Variants in ACBD6 observed in about 807,000 individuals in gnomAD.
ACBD6 encodes the protein acyl-CoA-binding domain-containing protein 6.
Under a neutral mutation model 37.2 loss-of-function variants are expected in ACBD6, and 28 were observed. The observed-to-expected ratio is 0.75, with a 90% confidence interval of 0.56 to 1.03. The LOEUF is 1.03. ACBD6 is among the 50% of genes least tolerant of loss of function. The pLI is 0.00. For synonymous variants in ACBD6, 113 were observed against 126.8 expected (o/e 0.89, Z 0.73); for missense variants, 340 against 337.4 (o/e 1.01, Z -0.06).
downstream of ACBD6, among the ~76,000 whole-genome samples, chr1:180,284,319 G>C (rs1378099613): frequency 6.6e-6 from 1 of 151,430 alleles, no homozygotes; most frequent in Non-Finnish European, 1.5e-5. Flanking sequence ...AATAATAATC[G>C]TAACAACTTT....
chr1:180,274,549 G>T (rs771085850), intron 10 of ACBD6: 1 of 1,593,852 alleles, frequency 6.3e-7, no homozygotes, highest in Non-Finnish European at 8.5e-7. Context: ...CAGGCTCTTG[G>T]CTCGATGAAA....
chr1:180,285,152 C>T (rs968062286), downstream of ACBD6, among the ~76,000 whole-genome samples: 27 of 151,986 alleles, frequency 1.8e-4, no homozygotes, highest in Non-Finnish European at 2.8e-4. Flanking sequence ...GACGAAAAAA[C>T]CCAAAAAACG....
At chr1:180,421,800 T>C (rs1648375376) in intron 4 of ACBD6, among the ~76,000 whole-genome samples, 1 of 152,210 alleles carries the variant, frequency 6.6e-6, no homozygotes. Flanking sequence ...GTTTGTTGGC[T>C]GCATGTACAT....
chr1:180,405,694 G>A (rs576673492), intron 5 of ACBD6, among the ~76,000 whole-genome samples: 1 of 152,220 alleles, frequency 6.6e-6, no homozygotes, highest in South Asian at 2.1e-4. Context: ...ACACTAATCT[G>A]AGAAATAACG....
In ACBD6 at chr1:180,413,548, C is replaced by T. The variant is rs530481821; in HGVS notation, c.468-77G>A. 60 of 1,150,304 alleles carry T rather than the reference C, an allele frequency of 5.2e-5. No homozygotes were observed. The East Asian group carries it at 1.3e-3, about 26-fold the overall frequency. 71.3% of individuals were successfully genotyped at this position (1,150,304 alleles called of 1,614,324 possible). A position where few individuals can be genotyped will look rare whatever the true frequency, so the allele number is the denominator to read the frequency against. ...ACATATTTTCAACACAATCTGTTTG[C>T]TGCTGACATAGATGTTAATGGACTC... is the stretch of plus-strand genomic sequence containing the variant. On this transcript the variant is annotated intron_variant, in intron 4 of 7. Transcript: ENST00000367595.
chr1:180,424,119 C>G (rs1648487531), intron 4 of ACBD6, among the ~76,000 whole-genome samples: 1 of 152,028 alleles, frequency 6.6e-6, no homozygotes, highest in African/African-American at 2.4e-5. Flanking sequence ...ATTATGATTC[C>G]TCAAACATTT....
At chr1:180,456,059 A>G (rs1649907726) in intron 3 of ACBD6, among the ~76,000 whole-genome samples, 1 of 152,060 alleles carries the variant, frequency 6.6e-6, no homozygotes, top group Non-Finnish European at 1.5e-5. Context: ...AAAAATACAA[A>G]AAATTAACTG....
exon 14 of ACBD6, chr1:180,271,705 C>A: frequency 7.9e-7 from 1 of 1,268,660 alleles, no homozygotes; most frequent in Non-Finnish European, 1.1e-6. Context: ...GGGGGTGGGG[C>A]GCATCGCACT....
chr1:180,350,901 C>T (rs546751979), intron 6 of ACBD6, among the ~76,000 whole-genome samples: 2 of 152,244 alleles, frequency 1.3e-5, no homozygotes, highest in South Asian at 2.1e-4. Flanking sequence ...AGATAGTAAG[C>T]GATGTCAGGG....
intron 4 of ACBD6, among the ~76,000 whole-genome samples, chr1:180,424,580 T>C (rs185682022): frequency 7.9e-5 from 12 of 152,198 alleles, no homozygotes; most frequent in Non-Finnish European, 1.5e-4. Context: ...ATTACTGTAA[T>C]GGATACAGTA....
chr1:180,303,955 C>T lies in ACBD6; in HGVS notation c.694+10737G>A, dbSNP rs770144888. Reference sequence around the variant, plus strand: ...TGGGATGCAAGGCTGGTTCAACATACGCAAATCAATAAACGTAATCCAGCA... The same window carrying T: ...TGGGATGCAAGGCTGGTTCAACATATGCAAATCAATAAACGTAATCCAGCA... On this transcript the variant is annotated intron_variant, in intron 7 of 7. Transcript: ENST00000367595. Among the ~76,000 whole-genome samples, 55 of 150,914 alleles carry T rather than the reference C, an allele frequency of 3.6e-4. 2 individuals carry two copies. Among genetic ancestry groups the T allele is most frequent in the Non-Finnish European group, 5.2e-4 (35 of 67,524 alleles).
intron 6 of ACBD6, among the ~76,000 whole-genome samples, chr1:180,369,656 T>G (rs1419202195): frequency 6.6e-6 from 1 of 152,202 alleles, no homozygotes. Context: ...TAAAAAACTG[T>G]TAGACAAGTA....
intron 7 of ACBD6, among the ~76,000 whole-genome samples, chr1:180,301,490 C>G (rs75838584): frequency 0.018 from 2,776 of 152,192 alleles, 88 homozygotes; most frequent in African/African-American, 0.062. Flanking sequence ...TAGTACTGTA[C>G]TGTATTTATT....
At chr1:180,387,185 CTG>C (rs1653876271) in intron 6 of ACBD6, among the ~76,000 whole-genome samples, 1 of 152,148 alleles carries the variant, frequency 6.6e-6, no homozygotes, top group Non-Finnish European at 1.5e-5. Context: ...CTATTCCACA[CTG>C]TAGTTCAGTT....
chr1:180,433,011 T>C (rs957265646), intron 3 of ACBD6, among the ~76,000 whole-genome samples: 2 of 152,088 alleles, frequency 1.3e-5, no homozygotes, highest in African/African-American at 2.4e-5. Flanking sequence ...ATCCTCTTCA[T>C]ACATCAAAAT....
chr1:180,414,429 A>G (rs913216578), intron 4 of ACBD6, among the ~76,000 whole-genome samples: 16 of 152,230 alleles, frequency 1.1e-4, no homozygotes, highest in African/African-American at 1.2e-4. Flanking sequence ...CTAAAAGCCA[A>G]TCTAAACATC....
At chr1:180,271,593 G>T in exon 14 of ACBD6, 4 of 1,596,672 alleles carry the variant, frequency 2.5e-6, no homozygotes, top group Non-Finnish European at 2.6e-6. Flanking sequence ...AGGGGTGGAA[G>T]GTATCCTGAG....
chr1:180,397,520 C>G lies in ACBD6; in HGVS notation c.659G>C (p.Cys220Ser), dbSNP rs1654308675. Reference sequence around the variant, plus strand: ...GCTCTTCTTTATCACTCTTACCTGACAGTTAATGTCAGCTCTATGTTGCAG... The same window carrying G: ...GCTCTTCTTTATCACTCTTACCTGAGAGTTAATGTCAGCTCTATGTTGCAG... ...VLLQHRADINCQDNEGQTALH... is the reference protein window; with the variant it reads ...VLLQHRADINSQDNEGQTALH... Residue 220 changes from cysteine to serine, a missense_variant, in exon 6 of 8, where the codon TGT (cysteine) becomes TCT (serine). Transcript: ENST00000367595. The G allele has an allele frequency of 3.1e-6, 5 of 1,612,768 alleles. No homozygotes were observed. Among genetic ancestry groups the G allele is most frequent in the Non-Finnish European group, 4.2e-6 (5 of 1,178,862 alleles).
intron 3 of ACBD6, among the ~76,000 whole-genome samples, chr1:180,474,405 T>A (rs1650703280): frequency 6.6e-6 from 1 of 152,094 alleles, no homozygotes; most frequent in Admixed American, 6.5e-5. Flanking sequence ...GCCAAATAGC[T>A]GATATTTAAA....
Sources: gnomAD v4.1 joint callset for allele counts (sites outside exome capture counted in the v4.1 genomes callset) on GRCh38, gnomAD v4.1.1 for gene constraint, MANE v1.5 for transcripts, NCBI Gene and HGNC (gene_info 2026-07-23, HGNC 2026-07-21) for gene names.